The following LSM5 variants were observed in gnomAD, a reference collection of about 807,000 sequenced individuals.
LSM5 encodes LSM5 homolog, U6 small nuclear RNA and mRNA degradation associated, also known as U6 snRNA-associated Sm-like protein LSm5.
A neutral mutation model predicts 13.8 loss-of-function variants in LSM5; 8 were observed. The observed-to-expected ratio is 0.58, with a 90% CI of 0.34 to 1.04. LSM5 has a LOEUF of 1.04. Among genes scored for constraint, LSM5 ranks in the 50% least tolerant of loss-of-function variants. The probability of loss-of-function intolerance (pLI) is 0.03; values close to 1 mark genes in which losing one functional copy is unlikely to be tolerated. For synonymous variants in LSM5, 35 were observed against 37.0 expected (o/e 0.95, Z 0.20); for missense variants, 80 against 108.1 (o/e 0.74, Z 1.15).
At chr7:32,490,157 G>A in intron 1 of LSM5, 163 bp downstream of exon 1, 1 of 1,546,316 alleles carries the variant, frequency 6.5e-7, no homozygotes, top group Non-Finnish European at 8.7e-7. Context: ...ACGTTAAAGA[G>A]CAGGTGCGGC....
upstream of LSM5, among the ~76,000 whole-genome samples, chr7:32,491,846 G>A (rs1236691306): frequency 2.0e-5 from 3 of 152,108 alleles, no homozygotes; most frequent in African/African-American, 7.2e-5. Flanking sequence ...ATTGCTAGCT[G>A]GTTTTGCATT....
At position 32,487,075 on chromosome 7, in the gene LSM5, CTCTTT is replaced by C; in HGVS notation, c.*181_*185del. 1 of 622,600 alleles carries C rather than the reference CTCTTT, an allele frequency of 1.6e-6. No homozygotes were observed. Among genetic ancestry groups the C allele is most frequent in the East Asian group, 2.9e-5 (1 of 34,908 alleles). The allele number at this position is 622,600 out of a possible 1,614,324, so 38.6% of individuals were successfully genotyped here. ...TTTATTTTCATCTGCAAAGAAGAAG[CTCTTT>C]TCTTCTTTTTCCAGGATAATCATGA... is the stretch of plus-strand genomic sequence containing the variant. On this transcript the variant is annotated 3_prime_UTR_variant, in exon 5 of 5. Transcript: ENST00000450169.
upstream of LSM5, among the ~76,000 whole-genome samples, chr7:32,492,699 G>A (rs1002489219): frequency 2.6e-5 from 4 of 152,178 alleles, no homozygotes; most frequent in African/African-American, 9.7e-5. Context: ...CCTGAGGCAA[G>A]ACACAAAAAG....
rs759861919 is a variant in LSM5, at chr7:32,487,692, A to G, written c.236T>C (p.Ile79Thr). 10 of 1,496,718 alleles carry G rather than the reference A, an allele frequency of 6.7e-6. No individual in the cohort carries two copies. In the East Asian group the frequency reaches 1.8e-4, roughly 27 times the overall value. The allele number at this position is 1,496,718 out of a possible 1,614,324, so 92.7% of individuals were successfully genotyped here. Residue 79 changes from isoleucine to threonine, a missense_variant, in exon 4 of 5, where the codon ATA (isoleucine) becomes ACA (threonine). Ile to Thr is a moderately conservative substitution (Grantham distance 89). Transcript: ENST00000450169. ...AGTTTCAATGTGTCTTACCATTGTT[A>G]TATTATTTCCATTTAGCAAAATCTG... ...LDQILLNGNN[I>T]TMLVPGGEGP...
chr7:32,491,653 T>C (rs772507495), upstream of LSM5, among the ~76,000 whole-genome samples: 11 of 152,150 alleles, frequency 7.2e-5, no homozygotes, highest in East Asian at 1.9e-4. Flanking sequence ...AATATACCCA[T>C]TGGAAAAAAT....
upstream of LSM5, chr7:32,490,472 G>T: frequency 1.1e-6 from 1 of 894,144 alleles, no homozygotes; most frequent in East Asian, 2.5e-5. Flanking sequence ...GAGGCCGAGC[G>T]CACGATCTAG....
rs1017545812 is a variant in LSM5, at chr7:32,487,029, T to C, written c.*232A>G. Reference sequence around the variant, plus strand: ...GGCTACTGCAGTAGAATAAACAAAATGACAGTTAACCAAAAACACCTTTAT... The same window carrying C: ...GGCTACTGCAGTAGAATAAACAAAACGACAGTTAACCAAAAACACCTTTAT... On this transcript the variant is annotated 3_prime_UTR_variant, in exon 5 of 5. Transcript: ENST00000450169. The C allele has an allele frequency of 1.4e-5, 8 of 559,120 alleles. No homozygotes were observed. Among genetic ancestry groups the C allele is most frequent in the Admixed American group, 1.4e-4 (4 of 28,390 alleles). The allele number at this position is 559,120 out of a possible 1,614,324, so 34.6% of individuals were successfully genotyped here.
rs1381848206 is a variant in LSM5, at chr7:32,486,510, A to G, written c.*751T>C. 1 of 152,248 alleles carries G rather than the reference A, an allele frequency of 6.6e-6. No homozygotes were observed. The highest frequency in any genetic ancestry group is 2.4e-5 in the African/African-American group (1 of 41,456). The allele number at this position is 152,248 out of a possible 1,614,324, so 9.4% of individuals were successfully genotyped here. A position where few individuals can be genotyped will look rare whatever the true frequency, so the allele number is the denominator to read the frequency against. ...AGGAGTTCTTTGACTTAATTTATAC[A>G]GTTCAATGATCTTATTATCAGTTCC... On this transcript the variant is annotated 3_prime_UTR_variant, in exon 5 of 5. Coordinates refer to ENST00000450169, the MANE Select transcript of LSM5 (RefSeq NM_012322.3).
At chr7:32,488,755 GCT>G (rs1357913863) in intron 2 of LSM5, 103 bp from the exon 3 acceptor site, 1 of 786,824 alleles carries the variant, frequency 1.3e-6, no homozygotes, top group Non-Finnish European at 2.2e-6. Context: ...ACAAAGTCTC[GCT>G]CTGTCATCCA....
rs530008400 is a variant in LSM5, at chr7:32,489,667, T to C, written c.47-323A>G. 7.2e-4 allele frequency: 224 copies of C among 309,054 alleles called. 4 individuals are homozygous for C. Among genetic ancestry groups the C allele is most frequent in the South Asian group, 6.5e-3 (212 of 32,720 alleles). The allele number at this position is 309,054 out of a possible 1,614,324, so 19.1% of individuals were successfully genotyped here. ...GGAAACTCTCCGGTCACTGCTTCCC[T>C]TTCCCAACTCTGTCTATCCTCTGTG... is the stretch of plus-strand genomic sequence containing the variant. On this transcript the variant is annotated intron_variant, in intron 1 of 4. Coordinates refer to ENST00000450169, the MANE Select transcript of LSM5 (RefSeq NM_012322.3).
chr7:32,487,226 C>T lies in LSM5; in HGVS notation c.*35G>A. ...ATTCCATTTTCTTGTCATTATAAGCCAAAACAAAATCTAGTGTAAGTCAAG... is the reference window on the plus strand; with the variant it reads ...ATTCCATTTTCTTGTCATTATAAGCTAAAACAAAATCTAGTGTAAGTCAAG... On this transcript the variant is annotated 3_prime_UTR_variant, in exon 5 of 5. Transcript: ENST00000450169. The T allele has an allele frequency of 6.2e-7, 1 of 1,603,012 alleles. No individual in the cohort carries two copies. The highest frequency in any genetic ancestry group is 8.5e-7 in the Non-Finnish European group (1 of 1,171,040).
Position 32,487,253 on chromosome 7 carries a change from A to C in LSM5, c.*8T>G. Reference sequence around the variant, plus strand: ...AAACAAAATCTAGTGTAAGTCAAGGAAACTCATTCACACTTCAGGTCCTTC... The same window carrying C: ...AAACAAAATCTAGTGTAAGTCAAGGCAACTCATTCACACTTCAGGTCCTTC... On this transcript the variant is annotated 3_prime_UTR_variant, in exon 5 of 5. Transcript: ENST00000450169. The C allele has an allele frequency of 1.2e-6, 2 of 1,613,352 alleles. No individual in the cohort carries two copies. The highest frequency in any genetic ancestry group is 8.5e-7 in the Non-Finnish European group (1 of 1,179,450).
chr7:32,487,699 T>C lies in LSM5; in HGVS notation c.229A>G (p.Asn77Asp). Residue 77 changes from asparagine to aspartate, a missense_variant, in exon 4 of 5, where the codon AAT becomes GAT. Coordinates refer to ENST00000450169, the MANE Select transcript of LSM5 (RefSeq NM_012322.3). ...TKLDQILLNG[N>D]NITMLVPGGE... ...ATGTGTCTTACCATTGTTATATTATTTCCATTTAGCAAAATCTGATCTAAT... is the reference window on the plus strand; with the variant it reads ...ATGTGTCTTACCATTGTTATATTATCTCCATTTAGCAAAATCTGATCTAAT... The C allele has an allele frequency of 6.6e-7, 1 of 1,515,608 alleles. No homozygotes were observed. The highest frequency in any genetic ancestry group is 1.1e-5 in the South Asian group (1 of 89,046). 93.9% of individuals were successfully genotyped at this position (1,515,608 alleles called of 1,614,324 possible).
chr7:32,493,995 G>A (rs1786662831), upstream of LSM5, among the ~76,000 whole-genome samples: 2 of 151,724 alleles, frequency 1.3e-5, no homozygotes, highest in African/African-American at 2.4e-5. Context: ...GGGATTACAG[G>A]TCTAATTTTT....
At chr7:32,489,671 C>T (rs921416639) in intron 1 of LSM5, 3 of 307,584 alleles carry the variant, frequency 9.8e-6, no homozygotes, top group Admixed American at 5.1e-5. Flanking sequence ...CTTCCCTTTC[C>T]CAACTCTGTC....
chr7:32,492,235 A>T (rs1786610946), upstream of LSM5, among the ~76,000 whole-genome samples: 1 of 152,228 alleles, frequency 6.6e-6, no homozygotes, highest in South Asian at 2.1e-4. Flanking sequence ...TTTAAAAATT[A>T]GAAAAATAGG....
rs560851337 is a variant in LSM5 at position 32,488,660 on chromosome 7, T to C, written c.143-8A>G. 1 of 1,586,062 alleles carries C rather than the reference T, an allele frequency of 6.3e-7. No homozygotes were observed. The highest frequency in any genetic ancestry group is 1.7e-4 in the Middle Eastern group (1 of 5,998). Reference sequence around the variant, plus strand: ...CATCTTCCAGTACCATATCTGAAATTTGGTGTTAAGAAAATAAATACAGAA... The same window carrying C: ...CATCTTCCAGTACCATATCTGAAATCTGGTGTTAAGAAAATAAATACAGAA... On this transcript the variant is annotated splice_region_variant and splice_polypyrimidine_tract_variant and intron_variant, in intron 2 of 4. Transcript: ENST00000450169.
At position 32,487,094 on chromosome 7, in the gene LSM5, G is replaced by C; in HGVS notation, c.*167C>G. The C allele has an allele frequency of 1.5e-6, 1 of 650,720 alleles. No homozygotes were observed. Among genetic ancestry groups the C allele is most frequent in the Non-Finnish European group, 2.7e-6 (1 of 370,222 alleles). 40.3% of individuals were successfully genotyped at this position (650,720 alleles called of 1,614,324 possible). A position where few individuals can be genotyped will look rare whatever the true frequency, so the allele number is the denominator to read the frequency against. On this transcript the variant is annotated 3_prime_UTR_variant, in exon 5 of 5. Coordinates refer to ENST00000450169, the MANE Select transcript of LSM5 (RefSeq NM_012322.3). The stretch of plus-strand genomic sequence containing the variant: ...AAGAAGCTCTTTTCTTCTTTTTCCA[G>C]GATAATCATGATTAACTTACAAAAA...
upstream of LSM5, among the ~76,000 whole-genome samples, chr7:32,493,596 G>A (rs1786644262): frequency 6.6e-6 from 1 of 152,122 alleles, no homozygotes; most frequent in Non-Finnish European, 1.5e-5. Context: ...CTGGAGAGCA[G>A]TGCAGTGACA....
Sources: gnomAD v4.1 joint callset for allele counts (sites outside exome capture counted in the v4.1 genomes callset) on GRCh38, gnomAD v4.1.1 for gene constraint, MANE v1.5 for transcripts, NCBI Gene and HGNC (gene_info 2026-07-23, HGNC 2026-07-21) for gene names.